The following STYXL1 variants were observed in gnomAD, a reference collection of about 807,000 sequenced individuals.
STYXL1 encodes serine/threonine/tyrosine interacting like 1, also known as serine/threonine/tyrosine-interacting-like protein 1.
In STYXL1, 32 loss-of-function variants were observed where a neutral mutation model predicts 36.4. That is an observed-to-expected ratio of 0.88 (90% CI 0.66 to 1.18). The LOEUF is 1.18. STYXL1 is among the 50% of genes most tolerant of loss of function. The pLI, the probability that STYXL1 is intolerant of heterozygous loss-of-function variation, is 0.00. For missense variants in STYXL1, 354 were observed against 394.1 expected (o/e 0.90, Z 0.86); for synonymous variants, 133 against 144.1 (o/e 0.92, Z 0.55).
intron 1 of STYXL1, among the ~76,000 whole-genome samples, chr7:76,039,349 TACAGGCGTGAGCC>T (rs1796259802): frequency 6.6e-6 from 1 of 151,872 alleles, no homozygotes; most frequent in Non-Finnish European, 1.5e-5. Context: ...GTGGTGGGAT[TACAGGCGTGAGCC>T]ACTGCGCCCA....
chr7:76,015,222 C>G (rs1003089692), intron 4 of STYXL1, among the ~76,000 whole-genome samples: 1 of 152,152 alleles, frequency 6.6e-6, no homozygotes, highest in African/African-American at 2.4e-5. Context: ...TGCACTACAG[C>G]CTTGGAGACA....
intron 4 of STYXL1, among the ~76,000 whole-genome samples, chr7:76,017,574 A>G (rs1468762830): frequency 6.6e-6 from 1 of 151,802 alleles, no homozygotes; most frequent in East Asian, 1.9e-4. Context: ...ACAGAGAGAG[A>G]GGGACAGGGG....
intron 1 of STYXL1, among the ~76,000 whole-genome samples, chr7:76,039,067 A>C (rs1796227680): frequency 6.8e-6 from 1 of 147,788 alleles, no homozygotes; most frequent in African/African-American, 2.6e-5. Context: ...CCTACCAAGT[A>C]GCTGGGACTA....
chr7:75,996,473 A>G lies in STYXL1; in HGVS notation c.937T>C (p.Tyr313His). ...DSITNIMDPL[Y>H] is the part of the protein sequence containing the mutation. The stretch of plus-strand genomic sequence containing the variant: ...TCGGTGGGCCTCGGAGAAGATCAGT[A>G]GAGCGGATCCATGATGTTTGTGATG... Residue 313 changes from tyrosine (Y) to histidine (H), a missense_variant, in exon 9 of 9, where the codon TAC becomes CAC. Physicochemically the swap from Tyr to His is moderately conservative, Grantham distance 83. Transcript: ENST00000359697. 1 of 1,614,238 alleles carries G rather than the reference A, an allele frequency of 6.2e-7. No individual in the cohort carries two copies. Among genetic ancestry groups the G allele is most frequent in the Non-Finnish European group, 8.5e-7 (1 of 1,180,040 alleles).
intron 1 of STYXL1, among the ~76,000 whole-genome samples, chr7:76,033,499 C>T (rs1317405790): frequency 6.6e-6 from 1 of 152,114 alleles, no homozygotes; most frequent in African/African-American, 2.4e-5. Flanking sequence ...CCTCTGGAGG[C>T]CAGTGGGGGA....
intron 1 of STYXL1, among the ~76,000 whole-genome samples, chr7:76,047,299 G>A (rs1797256384): frequency 6.6e-6 from 1 of 152,132 alleles, no homozygotes; most frequent in Admixed American, 6.5e-5. Context: ...TAAACTCATT[G>A]TGAGCAAGGA....
intron 4 of STYXL1, among the ~76,000 whole-genome samples, chr7:76,019,939 A>G (rs1554575468): frequency 6.6e-6 from 1 of 151,886 alleles, no homozygotes; most frequent in African/African-American, 2.4e-5. Context: ...AAAAAAAAAA[A>G]AAAAAAAGAA....
chr7:76,006,616 T>C (rs1554570464), intron 5 of STYXL1, among the ~76,000 whole-genome samples: 1 of 151,898 alleles, frequency 6.6e-6, no homozygotes, highest in South Asian at 2.1e-4. Flanking sequence ...TACAAAAAAT[T>C]AGCCGGGCAT....
chr7:76,006,969 T>C (rs1179328344), intron 5 of STYXL1, among the ~76,000 whole-genome samples: 3 of 152,170 alleles, frequency 2.0e-5, no homozygotes, highest in Admixed American at 1.3e-4. Context: ...TCAAGCAACC[T>C]TGGATGAAAA....
chr7:76,046,356 G>A (rs76784096), intron 1 of STYXL1, among the ~76,000 whole-genome samples: 2,089 of 136,548 alleles, frequency 0.015, 121 homozygotes, highest in East Asian at 0.13. Flanking sequence ...GCGCGCGCGC[G>A]CGCTTTTGAG....
At chr7:76,019,138 C>T (rs561115395) in intron 4 of STYXL1, among the ~76,000 whole-genome samples, 1 of 152,248 alleles carries the variant, frequency 6.6e-6, no homozygotes, top group Non-Finnish European at 1.5e-5. Flanking sequence ...AGGAAGTTTG[C>T]ATAATTAAGG....
At chr7:76,022,386 G>A (rs1794181509) in intron 3 of STYXL1, among the ~76,000 whole-genome samples, 1 of 152,106 alleles carries the variant, frequency 6.6e-6, no homozygotes, top group African/African-American at 2.4e-5. Flanking sequence ...CAGACTGGAT[G>A]CAGTGGTTTG....
Position 76,030,434 on chromosome 7 carries a change from A to G in STYXL1, c.90T>C (p.Tyr30=). Residue 30 remains tyrosine, a synonymous_variant, in exon 2 of 9, where the codon TAT becomes TAC. Coordinates refer to ENST00000359697, the MANE Select transcript of STYXL1 (RefSeq NM_001317785.2). ...TKLSRLTDPN[Y]LCLLDVRSKW... is the part of the protein sequence containing the mutation. ...CCAAGTACTTACCCAATAAACAGAG[A>G]TAGTTGGGGTCTGTTAATCTGGAGA... 1.9e-6 allele frequency: 3 copies of G among 1,611,734 alleles called. No individual in the cohort carries two copies. The highest frequency in any genetic ancestry group is 2.2e-5 in the East Asian group (1 of 44,858).
Position 76,021,080 on chromosome 7 carries a change from A to ATTTTTT in STYXL1, c.307+765_307+770dup, listed in dbSNP as rs200072611. On this transcript the variant is annotated intron_variant, in intron 4 of 8. Coordinates refer to ENST00000359697, the MANE Select transcript of STYXL1 (RefSeq NM_001317785.2). The stretch of plus-strand genomic sequence containing the variant: ...AATCACATAAGACCCTGTTACAAGA[A>ATTTTTT]TTTTTTTTTTTTTTTGAGAAGGAGT... Among the ~76,000 whole-genome samples the ATTTTTT allele has an allele frequency of 2.8e-5, 4 of 144,900 alleles. 1 individual carries two copies. Among genetic ancestry groups the ATTTTTT allele is most frequent in the African/African-American group, 1.0e-4 (4 of 39,134 alleles).
chr7:76,039,678 G>A (rs1796291519), intron 1 of STYXL1, among the ~76,000 whole-genome samples: 1 of 151,968 alleles, frequency 6.6e-6, no homozygotes, highest in African/African-American at 2.4e-5. Context: ...TTGTGACAGT[G>A]TCTCTGTTGC....
intron 5 of STYXL1, among the ~76,000 whole-genome samples, chr7:76,006,803 C>CA (rs1259196410): frequency 2.7e-5 from 4 of 150,486 alleles, no homozygotes; most frequent in African/African-American, 4.9e-5. Context: ...ACAACAACAA[C>CA]AAAAAACTTT....
chr7:76,005,869 G>GAGAGAGGAGGA (rs1791648365), intron 5 of STYXL1, among the ~76,000 whole-genome samples: 3 of 33,620 alleles, frequency 8.9e-5, no homozygotes, highest in South Asian at 8.5e-4. Flanking sequence ...AGAGGAGGAA[G>GAGAGAGGAGGA]AGAGAGGAGG....
At chr7:76,013,963 T>G in intron 4 of STYXL1, 76 bp from the exon 5 acceptor site, 1 of 1,422,234 alleles carries the variant, frequency 7.0e-7, no homozygotes, top group Non-Finnish European at 9.5e-7. Context: ...GATGACCACT[T>G]TCTTCTGAAA....
At chr7:76,028,951 C>T (rs1795036105) in intron 2 of STYXL1, among the ~76,000 whole-genome samples, 1 of 151,928 alleles carries the variant, frequency 6.6e-6, no homozygotes, top group Non-Finnish European at 1.5e-5. Flanking sequence ...CGGCGAAATC[C>T]CATCTCTACT....
Sources: allele counts gnomAD v4.1 joint callset (sites outside exome capture counted in the v4.1 genomes callset), GRCh38; gene constraint gnomAD v4.1.1; transcripts MANE v1.5; gene names NCBI Gene and HGNC (gene_info 2026-07-23, HGNC 2026-07-21).